The following PARD3B variants were observed in gnomAD, a reference collection of about 807,000 sequenced individuals.
PARD3B encodes par-3 family cell polarity regulator beta.
Under a neutral mutation model 130.2 loss-of-function variants are expected in PARD3B, and 103 were observed. The observed-to-expected ratio is 0.79, with a 90% confidence interval of 0.67 to 0.93. PARD3B has a LOEUF of 0.93. PARD3B is among the 40% of genes least tolerant of loss of function. The pLI, the probability that PARD3B is intolerant of heterozygous loss-of-function variation, is 0.00. For synonymous variants in PARD3B, 583 were observed against 553.2 expected (o/e 1.05, Z -0.76); for missense variants, 1,609 against 1,499.2 (o/e 1.07, Z -1.21).
chr2:205,604,356 G>T (rs2054905228), intron 22 of PARD3B, among the ~76,000 whole-genome samples: 1 of 152,068 alleles, frequency 6.6e-6, no homozygotes, highest in African/African-American at 2.4e-5. Flanking sequence ...TACATAGATG[G>T]CAGCAGGCAA....
In PARD3B at chr2:205,235,289, G is replaced by T. The variant is rs528525772; in HGVS notation, c.2141-10489G>T. Reference sequence around the variant, plus strand: ...TACAAAAAGTTAGTCGGGCATGGTGGCATTTGCCTGTAGTCCTAGCTACTC... The same window carrying T: ...TACAAAAAGTTAGTCGGGCATGGTGTCATTTGCCTGTAGTCCTAGCTACTC... On this transcript the variant is annotated intron_variant, in intron 15 of 22. Transcript: ENST00000406610. Among the ~76,000 whole-genome samples the T allele has an allele frequency of 5.3e-5, 8 of 152,182 alleles. No homozygotes were observed. The East Asian group carries it at 1.5e-3, about 29-fold the overall frequency.
chr2:204,938,668 C>T (rs192612432), intron 2 of PARD3B, among the ~76,000 whole-genome samples: 1 of 152,194 alleles, frequency 6.6e-6, no homozygotes, highest in East Asian at 1.9e-4. Flanking sequence ...TTAAAACATA[C>T]CATTCCTCAA....
At chr2:204,892,845 G>T (rs1460356998) in intron 2 of PARD3B, among the ~76,000 whole-genome samples, 1 of 152,186 alleles carries the variant, frequency 6.6e-6, no homozygotes, top group Non-Finnish European at 1.5e-5. Flanking sequence ...GATCTGGGCT[G>T]GGGAAAGGGA....
At chr2:205,059,065 C>T (rs964045273) in intron 4 of PARD3B, among the ~76,000 whole-genome samples, 2 of 151,418 alleles carry the variant, frequency 1.3e-5, no homozygotes, top group East Asian at 3.9e-4. Context: ...AGTTTTGGCT[C>T]TTAGGTTTAG....
At chr2:204,793,923 A>T (rs950235011) in intron 2 of PARD3B, among the ~76,000 whole-genome samples, 2 of 152,208 alleles carry the variant, frequency 1.3e-5, no homozygotes, top group East Asian at 1.9e-4. Flanking sequence ...ATAGAGAGGC[A>T]TGTTTGCAAG....
chr2:205,172,152 C>G, intron 11 of PARD3B, 59 bp from the exon 12 acceptor site: 2 of 1,506,748 alleles, frequency 1.3e-6, no homozygotes, highest in Non-Finnish European at 1.8e-6. Flanking sequence ...CCCCAAAACG[C>G]CACATGTCAT....
intron 16 of PARD3B, among the ~76,000 whole-genome samples, chr2:205,260,217 A>G (rs2040249778): frequency 6.6e-6 from 1 of 152,180 alleles, no homozygotes. Context: ...AAAGCAGCAC[A>G]GTGGCATCAC....
Position 205,015,088 on chromosome 2 carries a change from T to C in PARD3B, c.395-32493T>C, listed in dbSNP as rs1037388781. Reference sequence around the variant, plus strand: ...CAAAAAACTTAACTACTAATACCTATTGTTGACCAGAAGCCTTACCAATAA... The same window carrying C: ...CAAAAAACTTAACTACTAATACCTACTGTTGACCAGAAGCCTTACCAATAA... On this transcript the variant is annotated intron_variant, in intron 3 of 22. Coordinates refer to ENST00000406610, the MANE Select transcript of PARD3B (RefSeq NM_001302769.2). The surrounding 1 kb of genome is among the most constrained non-coding windows in gnomAD (Gnocchi z 4.5). 6.6e-6 allele frequency among the ~76,000 whole-genome samples: 1 copy of C among 152,178 alleles called. No individual in the cohort carries two copies. Among genetic ancestry groups the C allele is most frequent in the African/African-American group, 2.4e-5 (1 of 41,436 alleles).
At chr2:204,585,808 AAT>A (rs1298151870) in intron 1 of PARD3B, among the ~76,000 whole-genome samples, 1 of 152,132 alleles carries the variant, frequency 6.6e-6, no homozygotes, top group African/African-American at 2.4e-5. Flanking sequence ...TTATACTTAA[AAT>A]ATATATAGTT....
chr2:205,199,501 G>A (rs1192783751), intron 15 of PARD3B, among the ~76,000 whole-genome samples: 8 of 148,670 alleles, frequency 5.4e-5, no homozygotes, highest in Non-Finnish European at 1.0e-4. Flanking sequence ...ATATACACAC[G>A]CACACACGCA....
At position 205,105,798 on chromosome 2, in the gene PARD3B, A is replaced by T. The variant is rs1444477648; in HGVS notation, c.593+1284A>T. ...CTGAAGAAAAAAAAAAGGCGGGGGG[A>T]TATGGGGTAGGGAGTAATAGAAAAT... On this transcript the variant is annotated intron_variant, in intron 5 of 22. Transcript: ENST00000406610. This position sits in a 1 kb window ranked among gnomAD's most constrained non-coding sequence, Gnocchi z 4.0. Among the ~76,000 whole-genome samples the T allele has an allele frequency of 6.7e-6, 1 of 149,970 alleles. No homozygotes were observed. The highest frequency in any genetic ancestry group is 1.5e-5 in the Non-Finnish European group (1 of 67,566).
chr2:204,773,487 G>A (rs2041478625), intron 2 of PARD3B, among the ~76,000 whole-genome samples: 4 of 151,834 alleles, frequency 2.6e-5, no homozygotes, highest in Admixed American at 2.6e-4. Context: ...ATTTCAATGG[G>A]AATAGTCATA....
chr2:205,073,598 C>G (rs1700870261), intron 4 of PARD3B, among the ~76,000 whole-genome samples: 1 of 152,024 alleles, frequency 6.6e-6, no homozygotes, highest in Non-Finnish European at 1.5e-5. Flanking sequence ...GTTTATCTTC[C>G]CCAGACTCTT....
chr2:205,042,318 A>G lies in PARD3B; in HGVS notation c.395-5263A>G, dbSNP rs1039610827. Reference sequence around the variant, plus strand: ...TTGGGAACTGACTTCACTTTCTCCTATGAGGACGTGGCTTGACTGGTGTTA... The same window carrying G: ...TTGGGAACTGACTTCACTTTCTCCTGTGAGGACGTGGCTTGACTGGTGTTA... On this transcript the variant is annotated intron_variant, in intron 3 of 22. Coordinates refer to ENST00000406610, the MANE Select transcript of PARD3B (RefSeq NM_001302769.2). Among the ~76,000 whole-genome samples, 3 of 152,172 alleles carry G rather than the reference A, an allele frequency of 2.0e-5. No individual in the cohort carries two copies. The East Asian group carries it at 5.8e-4, about 29-fold the overall frequency.
chr2:204,848,319 G>A (rs1385280776), intron 2 of PARD3B, among the ~76,000 whole-genome samples: 1 of 152,084 alleles, frequency 6.6e-6, no homozygotes, highest in African/African-American at 2.4e-5. Flanking sequence ...AGTTTATTCA[G>A]TTCTGTTTTT....
chr2:205,310,897 T>C (rs903471368), intron 18 of PARD3B, among the ~76,000 whole-genome samples: 3 of 151,944 alleles, frequency 2.0e-5, no homozygotes, highest in Admixed American at 6.6e-5. Flanking sequence ...CTAATTTTTG[T>C]ATTTTTAGTA....
chr2:205,603,688 T>A (rs2054878363), intron 22 of PARD3B, among the ~76,000 whole-genome samples: 4 of 152,208 alleles, frequency 2.6e-5, no homozygotes, highest in African/African-American at 9.7e-5. Context: ...TTTTTTCTGC[T>A]TTCTATTTGC....
intron 20 of PARD3B, among the ~76,000 whole-genome samples, chr2:205,477,178 T>G (rs1006882510): frequency 1.3e-5 from 2 of 152,218 alleles, no homozygotes; most frequent in African/African-American, 4.8e-5. Flanking sequence ...CAGTCCCACT[T>G]TATATAACAT....
chr2:204,856,144 C>T (rs933053721), intron 2 of PARD3B, among the ~76,000 whole-genome samples: 1 of 151,622 alleles, frequency 6.6e-6, no homozygotes, highest in Non-Finnish European at 1.5e-5. Flanking sequence ...AATGGTTGTA[C>T]TGATTGACAT....
Sources: gnomAD v4.1 joint callset for allele counts (sites outside exome capture counted in the v4.1 genomes callset) on GRCh38, gnomAD v4.1.1 for gene constraint, Gnocchi (gnomAD v3.1) non-coding constraint, MANE v1.5 for transcripts, NCBI Gene and HGNC (gene_info 2026-07-23, HGNC 2026-07-21) for gene names.